Variants in FHIP2A observed in about 807,000 individuals in gnomAD.
FHIP2A encodes the protein FHF complex subunit HOOK interacting protein 2A, also known as family with sequence similarity 160 member B1.
FHIP2A carries 46 observed loss-of-function variants against 93.5 expected under a neutral mutation model. The ratio of observed to expected loss-of-function variants is 0.49; its 90% CI spans 0.39 to 0.63. The LOEUF (loss-of-function observed/expected upper bound fraction) is 0.63. FHIP2A is among the 20% of genes least tolerant of loss of function. The pLI is 0.00. For synonymous variants in FHIP2A, 332 were observed against 326.5 expected, an observed-to-expected ratio of 1.02 and a Z score of -0.18; for missense variants, 769 against 909.7, an observed-to-expected ratio of 0.85 and a Z score of 1.99.
chr10:114,879,788 C>T (rs2083907769), intron 16 of FHIP2A, among the ~76,000 whole-genome samples: 1 of 152,170 alleles, frequency 6.6e-6, no homozygotes, highest in Middle Eastern at 3.4e-3. Context: ...CAAGGCTGGA[C>T]CTACAGGAAG....
intron 16 of FHIP2A, among the ~76,000 whole-genome samples, chr10:114,871,830 C>A (rs981128054): frequency 6.6e-6 from 1 of 152,150 alleles, no homozygotes; most frequent in Non-Finnish European, 1.5e-5. Context: ...TTTTGCATTC[C>A]TATCTCCCTA....
intron 16 of FHIP2A, among the ~76,000 whole-genome samples, chr10:114,896,584 C>T (rs1350245808): frequency 6.6e-6 from 1 of 152,228 alleles, no homozygotes; most frequent in Non-Finnish European, 1.5e-5. Flanking sequence ...TCATCAGAAA[C>T]TCAAAAGAAT....
intron 13 of FHIP2A, among the ~76,000 whole-genome samples, chr10:114,850,299 C>T (rs1472305023): frequency 6.6e-6 from 1 of 152,136 alleles, no homozygotes; most frequent in African/African-American, 2.4e-5. Flanking sequence ...TTAGCTACCC[C>T]AGGAGGTGTG....
At chr10:114,837,618 C>T (rs756985231) in intron 5 of FHIP2A, among the ~76,000 whole-genome samples, 4 of 152,170 alleles carry the variant, frequency 2.6e-5, no homozygotes, top group Non-Finnish European at 5.9e-5. Flanking sequence ...ATTCTGTGAG[C>T]TTGATGAACA....
intron 16 of FHIP2A, among the ~76,000 whole-genome samples, chr10:114,877,676 G>C (rs995149985): frequency 6.6e-6 from 1 of 152,148 alleles, no homozygotes; most frequent in African/African-American, 2.4e-5. Flanking sequence ...CAGGCACCAA[G>C]GGAAAATTTA....
intron 2 of FHIP2A, among the ~76,000 whole-genome samples, chr10:114,831,418 C>G (rs1260904955): frequency 1.3e-5 from 2 of 152,008 alleles, no homozygotes; most frequent in East Asian, 3.9e-4. Context: ...AAGGATGTCT[C>G]GGGAATGAGA....
chr10:114,878,588 G>T (rs1278501685), intron 16 of FHIP2A, among the ~76,000 whole-genome samples: 1 of 152,118 alleles, frequency 6.6e-6, no homozygotes, highest in Non-Finnish European at 1.5e-5. Flanking sequence ...AGACCAGCCT[G>T]GCCAACATGG....
At chr10:114,845,671 C>G (rs931776280) in intron 8 of FHIP2A, among the ~76,000 whole-genome samples, 190 bp downstream of exon 8, 1 of 152,118 alleles carries the variant, frequency 6.6e-6, no homozygotes, top group African/African-American at 2.4e-5. Flanking sequence ...AATCAAAGTT[C>G]AAGTTCTGCC....
chr10:114,840,408 A>G (rs1029378799), intron 5 of FHIP2A, among the ~76,000 whole-genome samples: 1 of 152,208 alleles, frequency 6.6e-6, no homozygotes, highest in Non-Finnish European at 1.5e-5. Flanking sequence ...TGAAGAGTTT[A>G]TTCTTACTTG....
chr10:114,844,548 G>A (rs1040079198), intron 7 of FHIP2A, among the ~76,000 whole-genome samples: 2 of 151,986 alleles, frequency 1.3e-5, no homozygotes, highest in African/African-American at 4.8e-5. Context: ...TCTATTTTCT[G>A]TCAACATCTA....
chr10:114,843,780 C>T lies in FHIP2A; in HGVS notation c.856C>T (p.Leu286=), dbSNP rs150269908. 31 of 1,577,556 alleles carry T rather than the reference C, an allele frequency of 2.0e-5. No homozygotes were observed. Among genetic ancestry groups the T allele is most frequent in the South Asian group, 1.2e-5 (1 of 84,068 alleles). ...TGTGAAGGCATGTGAAGGCTTGATG[C>T]TGTTAGTAAGTTTGCCAGAGCCTGC... ...IAVKACEGLM[L]LVSLPEPAAA... Residue 286 remains leucine, a synonymous_variant, in exon 7 of 17, where the codon CTG becomes TTG. Transcript: ENST00000369248.
intron 8 of FHIP2A, 93 bp from the exon 9 acceptor site, chr10:114,845,916 CATTA>C (rs2083697876): frequency 1.1e-6 from 1 of 945,486 alleles, no homozygotes; most frequent in African/African-American, 1.7e-5. Flanking sequence ...TGTCTTTCCA[CATTA>C]ATTCAGTTGG....
chr10:114,845,419 G>A lies in FHIP2A; in HGVS notation c.1066G>A (p.Ala356Thr), dbSNP rs752970203. 3.1e-6 allele frequency: 5 copies of A among 1,613,610 alleles called. No individual in the cohort carries two copies. The South Asian group carries it at 5.5e-5, about 18-fold the overall frequency. The change falls in exon 8 of 17, where the codon GCC becomes ACC. Residue 356 changes from alanine to threonine, a missense_variant. Physicochemically the swap from Ala to Thr is moderately conservative, Grantham distance 58. Coordinates refer to ENST00000369248, the MANE Select transcript of FHIP2A (RefSeq NM_020940.4). The stretch of plus-strand genomic sequence containing the variant: ...TGCTTCAGCATTTCCAGGAAAACGA[G>A]CCTTAATTTCATTTCTTTCCTGGTT... Reference protein sequence around the residue: ...EDASAFPGKRALISFLSWFDY... With the variant: ...EDASAFPGKRTLISFLSWFDY...
intron 2 of FHIP2A, among the ~76,000 whole-genome samples, chr10:114,831,438 C>T (rs2083607306): frequency 6.6e-6 from 1 of 152,150 alleles, no homozygotes; most frequent in Non-Finnish European, 1.5e-5. Context: ...ACCTAATTCA[C>T]AAACCCTCAG....
Position 114,846,283 on chromosome 10 carries a change from G to A in FHIP2A, c.1314G>A (p.Gln438=), listed in dbSNP as rs746564985. 4 of 1,614,156 alleles carry A rather than the reference G, an allele frequency of 2.5e-6. No homozygotes were observed. The highest frequency in any genetic ancestry group is 4.5e-5 in the East Asian group (2 of 44,874). ...TGGTGTTTTTTATCCTTGGAGAACA[G>A]AGGGAACCAGAAACTCTGGCAGAAA... is the stretch of plus-strand genomic sequence containing the variant. The part of the protein sequence containing the change: ...QEMVFFILGE[Q]REPETLAEIS... Residue 438 remains glutamine (Q), a synonymous_variant, in exon 10 of 17, where the codon CAG becomes CAA. Coordinates refer to ENST00000369248, the MANE Select transcript of FHIP2A (RefSeq NM_020940.4).
At chr10:114,875,382 G>C (rs975728499) in intron 16 of FHIP2A, among the ~76,000 whole-genome samples, 1 of 152,228 alleles carries the variant, frequency 6.6e-6, no homozygotes, top group Middle Eastern at 3.4e-3. Flanking sequence ...GAAGAAGCAA[G>C]GATGGTGGAG....
At position 114,846,003 on chromosome 10, in the gene FHIP2A, T is replaced by C; in HGVS notation, c.1129-10T>C. The C allele has an allele frequency of 2.5e-6, 4 of 1,594,726 alleles. No individual in the cohort carries two copies. Among genetic ancestry groups the C allele is most frequent in the Non-Finnish European group, 3.4e-6 (4 of 1,168,812 alleles). ...TTAAAAAAAAAAATGATGTTCCTAC[T>C]ATATTCTAGACTGCTGCTGTTGCTC... On this transcript the variant is annotated splice_polypyrimidine_tract_variant and intron_variant, in intron 8 of 16. Coordinates refer to ENST00000369248, the MANE Select transcript of FHIP2A (RefSeq NM_020940.4).
chr10:114,885,866 A>G (rs570866939), intron 16 of FHIP2A, among the ~76,000 whole-genome samples: 2 of 152,302 alleles, frequency 1.3e-5, no homozygotes, highest in East Asian at 3.9e-4. Flanking sequence ...TAGGCTTTGC[A>G]ACCATGGTGA....
intron 16 of FHIP2A, among the ~76,000 whole-genome samples, chr10:114,876,168 T>C (rs2083888378): frequency 6.6e-6 from 1 of 152,116 alleles, no homozygotes; most frequent in Admixed American, 6.6e-5. Flanking sequence ...TCATGCCTCC[T>C]CTCCCCTCTC....
Sources: gnomAD v4.1 joint callset for allele counts (sites outside exome capture counted in the v4.1 genomes callset) on GRCh38, gnomAD v4.1.1 for gene constraint, MANE v1.5 for transcripts, NCBI Gene and HGNC (gene_info 2026-07-23, HGNC 2026-07-21) for gene names.